ZNF274: variants seen among roughly 807,000 people sequenced by gnomAD.
ZNF274 encodes the protein neurotrophin receptor-interacting factor homolog.
A neutral mutation model predicts 42.5 loss-of-function variants in ZNF274; 23 were observed. That is an observed-to-expected ratio of 0.54 (90% confidence interval 0.39 to 0.77). The LOEUF is 0.77. Among genes scored for constraint, ZNF274 ranks in the 30% least tolerant of loss-of-function variants. The pLI is 0.00. For synonymous variants in ZNF274, 292 were observed against 305.4 expected (o/e 0.96, Z 0.46); for missense variants, 679 against 806.5 (o/e 0.84, Z 1.91).
chr19:58,212,996 C>T lies in ZNF274; in HGVS notation c.1815C>T (p.His605=), dbSNP rs1244707306. 1.2e-5 allele frequency: 20 copies of T among 1,613,886 alleles called. No homozygotes were observed. The highest frequency in any genetic ancestry group is 4.5e-5 in the East Asian group (2 of 44,904). Residue 605 remains histidine (H), a synonymous_variant, in exon 8 of 8, where the codon CAC becomes CAT. Coordinates refer to ENST00000617501, the MANE Select transcript of ZNF274 (RefSeq NM_133502.3). This position sits in a 1 kb window ranked among gnomAD's most constrained non-coding sequence, Gnocchi z 4.6. ...GAAAAGCCTTCCGCCAGAGCTCCCA[C>T]CTCATCAGACATCAGAGGACTCACA... ...DCGKAFRQSS[H]LIRHQRTHTG...
At position 58,183,993 on chromosome 19, in the gene ZNF274, T is replaced by C. The variant is rs1255499710; in HGVS notation, c.28T>C (p.Ser10Pro). Residue 10 changes from serine to proline, a missense_variant, in exon 2 of 8, where the codon TCC (serine) becomes CCC (proline). This residue lies in a region of ZNF274 where 223 missense variants were observed against 216.4 expected (regional missense o/e 1.03). Coordinates refer to ENST00000617501, the MANE Select transcript of ZNF274 (RefSeq NM_133502.3). Reference protein sequence around the residue: MASRLPTAWSCEPVTFEDVT... With the variant: MASRLPTAWPCEPVTFEDVT... ...GGCCTCCAGGCTTCCGACGGCCTGGTCCTGTGTGAGTAGAGGCTTCCTTCA... is the reference window on the plus strand; with the variant it reads ...GGCCTCCAGGCTTCCGACGGCCTGGCCCTGTGTGAGTAGAGGCTTCCTTCA... 1.3e-6 allele frequency: 2 copies of C among 1,594,410 alleles called. No homozygotes were observed. Among genetic ancestry groups the C allele is most frequent in the Admixed American group, 3.5e-5 (2 of 56,748 alleles).
Position 58,211,586 on chromosome 19 carries a change from T to G in ZNF274, c.879T>G (p.Ala293=). ...AGCCAGTGACCTTCCAGGATGTGGC[T>G]GTGGACTTCAGCCGGGAGGAGTGGG... ...PEEPVTFQDV[A]VDFSREEWGL... is the part of the protein sequence containing the mutation. Residue 293 remains alanine (A), a synonymous_variant, in exon 7 of 8, where the codon GCT becomes GCG. Coordinates refer to ENST00000617501, the MANE Select transcript of ZNF274 (RefSeq NM_133502.3). This position sits in a 1 kb window ranked among gnomAD's most constrained non-coding sequence, Gnocchi z 4.8. The G allele has an allele frequency of 6.2e-7, 1 of 1,613,746 alleles. No individual in the cohort carries two copies. The highest frequency in any genetic ancestry group is 8.5e-7 in the Non-Finnish European group (1 of 1,179,718).
chr19:58,185,556 TCAGA>T (rs907076584), intron 2 of ZNF274, 152 bp from the exon 3 acceptor site: 4 of 685,092 alleles, frequency 5.8e-6, no homozygotes, highest in African/African-American at 1.8e-5. Flanking sequence ...GCTTGGGGTT[TCAGA>T]CAAAGACAGG....
At chr19:58,204,734 C>T (rs1177850369) in intron 4 of ZNF274, among the ~76,000 whole-genome samples, 1 of 152,154 alleles carries the variant, frequency 6.6e-6, no homozygotes, top group Non-Finnish European at 1.5e-5. Flanking sequence ...TGTGTTACAA[C>T]ACTACCCGTT....
chr19:58,187,977 G>C (rs2075720028), intron 4 of ZNF274, among the ~76,000 whole-genome samples: 2 of 151,590 alleles, frequency 1.3e-5, no homozygotes, highest in African/African-American at 4.8e-5. Context: ...CACCCACCTT[G>C]GCCTCACAAA....
Position 58,207,103 on chromosome 19 carries a change from C to A in ZNF274, c.640C>A (p.Pro214Thr), listed in dbSNP as rs923393286. The A allele has an allele frequency of 2.5e-6, 4 of 1,613,852 alleles. No homozygotes were observed. The highest frequency in any genetic ancestry group is 2.5e-6 in the Non-Finnish European group (3 of 1,179,948). ...LVLEQFLGAL[P>T]VKLRTWVESQ... ...GCTGGAGCAGTTCCTAGGTGCACTG[C>A]CTGTGAAGCTCCGGACATGGGTGGA... Residue 214 changes from proline (P) to threonine (T), a missense_variant, in exon 5 of 8, where the codon CCT (proline) becomes ACT (threonine). Transcript: ENST00000617501. The surrounding 1 kb of genome is among the most constrained non-coding windows in gnomAD (Gnocchi z 5.6).
At position 58,203,955 on chromosome 19, in the gene ZNF274, C is replaced by A. The variant is rs114843048; in HGVS notation, c.257-2765C>A. On this transcript the variant is annotated intron_variant, in intron 4 of 7. Coordinates refer to ENST00000617501, the MANE Select transcript of ZNF274 (RefSeq NM_133502.3). ...CGGCCTGGGCTGCGAGAAGGCAGCG[C>A]GGGCACTGGCTCTGGGCAGATCCCA... Among the ~76,000 whole-genome samples the A allele has an allele frequency of 4.9e-3, 747 of 152,368 alleles. 8 individuals carry two copies. The highest frequency in any genetic ancestry group is 0.017 in the African/African-American group (719 of 41,598).
In ZNF274 at chr19:58,188,694, G is replaced by GTATATGTATATGTATA. The variant is rs1221412961; in HGVS notation, c.256+1657_256+1658insGTATATGTATATATAT. Reference sequence around the variant, plus strand: ...TGTGTGTGTATATATATATGTATATGTATATATATATATATATATATATAT... The same window carrying GTATATGTATATGTATA: ...TGTGTGTGTATATATATATGTATATGTATATGTATATGTATATATATATATATATATATATATATAT... On this transcript the variant is annotated intron_variant, in intron 4 of 7. Coordinates refer to ENST00000617501, the MANE Select transcript of ZNF274 (RefSeq NM_133502.3). Among the ~76,000 whole-genome samples, 518 of 74,608 alleles carry GTATATGTATATGTATA rather than the reference G, an allele frequency of 6.9e-3. 7 individuals carry two copies. Among genetic ancestry groups the GTATATGTATATGTATA allele is most frequent in the African/African-American group, 0.027 (492 of 18,468 alleles). 48.9% of individuals were successfully genotyped at this position (74,608 alleles called of 152,430 possible).
In ZNF274 at chr19:58,212,959, G is replaced by C. The variant is rs1335649700; in HGVS notation, c.1778G>C (p.Cys593Ser). 1 of 1,614,008 alleles carries C rather than the reference G, an allele frequency of 6.2e-7. No individual in the cohort carries two copies. The highest frequency in any genetic ancestry group is 1.1e-5 in the South Asian group (1 of 91,088). ...RTHTGAKPYKCQDCGKAFRQS... is the reference protein window; with the variant it reads ...RTHTGAKPYKSQDCGKAFRQS... Reference sequence around the variant, plus strand: ...CACACTGGCGCTAAGCCCTACAAGTGTCAGGACTGTGGAAAAGCCTTCCGC... The same window carrying C: ...CACACTGGCGCTAAGCCCTACAAGTCTCAGGACTGTGGAAAAGCCTTCCGC... The change falls in exon 8 of 8, where the codon TGT becomes TCT. Residue 593 changes from cysteine (C) to serine (S), a missense_variant. Transcript: ENST00000617501. This position sits in a 1 kb window ranked among gnomAD's most constrained non-coding sequence, Gnocchi z 4.6.
In ZNF274 at chr19:58,213,148, C is replaced by T. The variant is rs777440572; in HGVS notation, c.*5C>T. On this transcript the variant is annotated 3_prime_UTR_variant, in exon 8 of 8. Transcript: ENST00000617501. ...AAGAAACAGCCTACCTCATAGCTCT[C>T]AAGCCAGTTGAAGAAACCTTGCCTT... 28 of 1,596,798 alleles carry T rather than the reference C, an allele frequency of 1.8e-5. No individual in the cohort carries two copies. The highest frequency in any genetic ancestry group is 3.5e-5 in the Admixed American group (2 of 56,880).
chr19:58,184,210 G>A, intron 2 of ZNF274: 1 of 575,546 alleles, frequency 1.7e-6, no homozygotes, highest in East Asian at 2.9e-5. Flanking sequence ...AGACCAGATT[G>A]TAGGGGCTTC....
In ZNF274 at chr19:58,203,468, C is replaced by T. The variant is rs141289363; in HGVS notation, c.257-3252C>T. ...GCCTGGCGGTGGGCGCCTGTAATCC[C>T]AGCTGCGGCTGAGGCAGGAGAATTG... is the stretch of plus-strand genomic sequence containing the variant. On this transcript the variant is annotated intron_variant, in intron 4 of 7. Transcript: ENST00000617501. Among the ~76,000 whole-genome samples the T allele has an allele frequency of 5.5e-3, 838 of 151,438 alleles. 9 individuals carry two copies. The highest frequency in any genetic ancestry group is 0.019 in the African/African-American group (780 of 41,258).
In ZNF274 at chr19:58,212,025, T is replaced by C. The variant is rs911377393; in HGVS notation, c.980-136T>C. ...CCTGCCGCTTCATTGCTTTTCAGTC[T>C]CTCTCCAGGTTGCATGACTCTATTT... On this transcript the variant is annotated intron_variant, in intron 7 of 7. Transcript: ENST00000617501. This position sits in a 1 kb window ranked among gnomAD's most constrained non-coding sequence, Gnocchi z 4.6. 4 of 1,065,042 alleles carry C rather than the reference T, an allele frequency of 3.8e-6. No individual in the cohort carries two copies. The African/African-American group carries it at 4.8e-5, about 13-fold the overall frequency. 66.0% of individuals were successfully genotyped at this position (1,065,042 alleles called of 1,614,324 possible).
At chr19:58,198,396 A>G (rs73056270) in intron 4 of ZNF274, among the ~76,000 whole-genome samples, 1,548 of 152,318 alleles carry the variant, frequency 0.01, 19 homozygotes, top group Non-Finnish European at 0.018. Context: ...TTAATATATA[A>G]ATATACATAA....
intron 4 of ZNF274, among the ~76,000 whole-genome samples, chr19:58,198,162 A>G (rs2075865984): frequency 6.6e-6 from 1 of 152,254 alleles, no homozygotes; most frequent in Non-Finnish European, 1.5e-5. Context: ...GAAGAAAAAA[A>G]TATTCCAAGA....
Position 58,206,748 on chromosome 19 carries a change from A to T in ZNF274, c.285A>T (p.Lys95Asn). ...ATCCTGAGCTCCAGCTGGACCCTAA[A>T]TTGGATCCTCTTCCTGCTGAGAGTC... ...PEYPELQLDP[K>N]LDPLPAESPL... The change falls in exon 5 of 8, where the codon AAA becomes AAT. Residue 95 changes from lysine to asparagine, a missense_variant. Around this residue, in one of 2 missense-constraint regions of ZNF274, gnomAD observed 223 missense variants for 216.4 expected, o/e 1.03. Transcript: ENST00000617501. The T allele has an allele frequency of 6.3e-7, 1 of 1,599,940 alleles. No homozygotes were observed. Among genetic ancestry groups the T allele is most frequent in the Non-Finnish European group, 8.5e-7 (1 of 1,173,346 alleles).
At chr19:58,202,869 T>TGTC (rs2075929786) in intron 4 of ZNF274, among the ~76,000 whole-genome samples, 1 of 152,200 alleles carries the variant, frequency 6.6e-6, no homozygotes, top group Admixed American at 6.5e-5. Context: ...TTCACTGTGG[T>TGTC]GTCCTTGGTT....
intron 4 of ZNF274, among the ~76,000 whole-genome samples, chr19:58,203,416 T>G (rs1438264881): frequency 6.6e-6 from 1 of 151,896 alleles, no homozygotes; most frequent in African/African-American, 2.4e-5. Flanking sequence ...AAACCCTGTC[T>G]CTACTAAAAA....
chr19:58,202,639 A>G (rs188134922), intron 4 of ZNF274, among the ~76,000 whole-genome samples: 2 of 152,332 alleles, frequency 1.3e-5, no homozygotes, highest in African/African-American at 4.8e-5. Flanking sequence ...GTGGAATGAG[A>G]TGGGTGGAAT....
Sources: allele counts gnomAD v4.1 joint callset (sites outside exome capture counted in the v4.1 genomes callset), GRCh38; gene constraint gnomAD v4.1.1; regional missense constraint gnomAD v4.1.1; non-coding constraint Gnocchi (gnomAD v3.1); transcripts MANE v1.5; gene names NCBI Gene and HGNC (gene_info 2026-07-23, HGNC 2026-07-21).